The following MACROD2 variants were observed in gnomAD, a reference collection of about 807,000 sequenced individuals.
The protein encoded by MACROD2 is mono-ADP ribosylhydrolase 2, also known as ADP-ribose glycohydrolase MACROD2.
Under a neutral mutation model 70.4 loss-of-function variants are expected in MACROD2, and 36 were observed. That is an observed-to-expected ratio of 0.51 (90% CI 0.39 to 0.68). The LOEUF (loss-of-function observed/expected upper bound fraction) is 0.68, where lower values mean the gene tolerates loss of function less well. Ranked by LOEUF, MACROD2 falls within the 30% of genes least tolerant of loss-of-function variation. The probability of loss-of-function intolerance (pLI) is 0.00; values close to 1 mark genes in which losing one functional copy is unlikely to be tolerated. For synonymous variants in MACROD2, 172 were observed against 178.8 expected (o/e 0.96, Z 0.30); for missense variants, 496 against 538.4 (o/e 0.92, Z 0.78).
chr20:14,941,890 C>A (rs1293558788), intron 5 of MACROD2, among the ~76,000 whole-genome samples: 1 of 151,466 alleles, frequency 6.6e-6, no homozygotes, highest in Non-Finnish European at 1.5e-5. Context: ...TTTCAGCAAT[C>A]CTTCCATCTC....
At chr20:15,862,854 T>TCAAATTGAGGATGGAAGAAGTGGAG in intron 9 of MACROD2, 28 bp downstream of exon 9, 1 of 1,536,860 alleles carries the variant, frequency 6.5e-7, no homozygotes, top group Non-Finnish European at 9.0e-7. Context: ...TTGTTTTCTT[T>TCAAATTGAGGATGGAAGAAGTGGAG]CAAATTGAGG....
At chr20:15,392,301 T>C (rs2045803439) in intron 6 of MACROD2, among the ~76,000 whole-genome samples, 1 of 152,196 alleles carries the variant, frequency 6.6e-6, no homozygotes, top group Admixed American at 6.5e-5. Context: ...TTGACTTTTA[T>C]TATGATTGGT....
chr20:15,723,047 TCTCTTGCCC>T (rs1644687512), intron 8 of MACROD2, among the ~76,000 whole-genome samples: 1 of 152,208 alleles, frequency 6.6e-6, no homozygotes, highest in Admixed American at 6.5e-5. Flanking sequence ...TACATCAACA[TCTCTTGCCC>T]CTGAGTTTTA....
intron 6 of MACROD2, among the ~76,000 whole-genome samples, chr20:15,238,962 T>C (rs1407188007): frequency 4.6e-5 from 7 of 152,186 alleles, no homozygotes; most frequent in Non-Finnish European, 8.8e-5. Flanking sequence ...AGATTTGCAA[T>C]GCAAGCTTTC....
At chr20:14,622,785 C>T (rs1983902626) in intron 4 of MACROD2, 1 of 152,140 alleles carries the variant, frequency 6.6e-6, no homozygotes, top group Non-Finnish European at 1.5e-5. Flanking sequence ...AGTTGTTTAT[C>T]CCCTCAGTGG....
chr20:15,778,385 C>T (rs997996059), intron 8 of MACROD2, among the ~76,000 whole-genome samples: 6 of 151,974 alleles, frequency 3.9e-5, no homozygotes, highest in African/African-American at 1.2e-4. Context: ...ATTAAGTGTT[C>T]TATATTACTC....
chr20:14,693,832 C>T (rs2123616643), intron 5 of MACROD2, among the ~76,000 whole-genome samples: 1 of 151,928 alleles, frequency 6.6e-6, no homozygotes, highest in Non-Finnish European at 1.5e-5. Flanking sequence ...AGATCTCACT[C>T]TGGAGAGTCT....
At chr20:14,137,799 A>G (rs1418978193) in intron 3 of MACROD2, among the ~76,000 whole-genome samples, 2 of 152,210 alleles carry the variant, frequency 1.3e-5, no homozygotes, top group Admixed American at 6.5e-5. Context: ...CACTAAACTA[A>G]TAGGTTTCTG....
intron 2 of MACROD2, among the ~76,000 whole-genome samples, chr20:14,008,346 A>G (rs1601105625): frequency 1.3e-5 from 2 of 152,316 alleles, no homozygotes; most frequent in South Asian, 2.1e-4. Flanking sequence ...GCCGGGAGGC[A>G]AGTCACAAAT....
Position 15,395,158 on chromosome 20 carries a change from C to T in MACROD2, c.541-36247C>T, listed in dbSNP as rs577905527. The stretch of plus-strand genomic sequence containing the variant: ...CTGGAAAAGATGTTGTTAATATTCA[C>T]CAATGACCATTATCCCTGCCACAGT... On this transcript the variant is annotated intron_variant, in intron 6 of 17. Coordinates refer to ENST00000684519, the MANE Select transcript of MACROD2 (RefSeq NM_001351661.2). 1.9e-4 allele frequency among the ~76,000 whole-genome samples: 29 copies of T among 152,278 alleles called. No individual in the cohort carries two copies. The South Asian group carries it at 4.1e-3, about 22-fold the overall frequency.
chr20:14,416,932 C>T (rs1045969419), intron 3 of MACROD2, among the ~76,000 whole-genome samples: 8 of 152,176 alleles, frequency 5.3e-5, no homozygotes, highest in Non-Finnish European at 1.2e-4. Context: ...CTAAAAGAGT[C>T]TCACTTACCT....
At position 15,937,516 on chromosome 20, in the gene MACROD2, A is replaced by G. The variant is rs2065683229; in HGVS notation, c.879A>G (p.Glu293=). 1.2e-6 allele frequency: 2 copies of G among 1,613,474 alleles called. No individual in the cohort carries two copies. Among genetic ancestry groups the G allele is most frequent in the Non-Finnish European group, 1.7e-6 (2 of 1,179,536 alleles). Residue 293 remains glutamate, a synonymous_variant, in exon 12 of 18, where the codon GAA becomes GAG. Transcript: ENST00000684519. Reference sequence around the variant, plus strand: ...TCACTGTGCCCGGCCCTGCTTCAGAAGAGGCAGTTGAAGACTGTAAAGATG... The same window carrying G: ...TCACTGTGCCCGGCCCTGCTTCAGAGGAGGCAGTTGAAGACTGTAAAGATG... ...NTVTVPGPAS[E]EAVEDCKDED...
At chr20:15,873,407 G>C (rs1005866078) in intron 9 of MACROD2, among the ~76,000 whole-genome samples, 5 of 151,742 alleles carry the variant, frequency 3.3e-5, no homozygotes, top group African/African-American at 9.7e-5. Flanking sequence ...GTAATTAATG[G>C]GTAACAACAT....
intron 17 of MACROD2, among the ~76,000 whole-genome samples, chr20:16,047,206 C>T (rs1234051014): frequency 6.6e-6 from 1 of 152,054 alleles, no homozygotes; most frequent in Non-Finnish European, 1.5e-5. Flanking sequence ...ATGATCTGGT[C>T]GTTTGACAGA....
rs1455957472 is a variant in MACROD2 at position 15,683,121 on chromosome 20, C to T, written c.646-179624C>T. ...CCATGCATTGCTTGTCTTAGAAAAA[C>T]AGTACGGAACATGTTAGAATATTAC... On this transcript the variant is annotated intron_variant, in intron 8 of 17. Transcript: ENST00000684519. Among the ~76,000 whole-genome samples, 8 of 152,172 alleles carry T rather than the reference C, an allele frequency of 5.3e-5. No homozygotes were observed. The East Asian group carries it at 1.5e-3, about 29-fold the overall frequency.
intron 8 of MACROD2, among the ~76,000 whole-genome samples, chr20:15,723,309 A>G (rs2050815418): frequency 6.6e-6 from 1 of 152,160 alleles, no homozygotes; most frequent in South Asian, 2.1e-4. Flanking sequence ...CAAAATACAT[A>G]GCTTACATTA....
intron 5 of MACROD2, among the ~76,000 whole-genome samples, chr20:14,793,441 C>T (rs762993853): frequency 6.6e-6 from 1 of 151,838 alleles, no homozygotes; most frequent in Non-Finnish European, 1.5e-5. Context: ...TATCTCCCCC[C>T]ACCATGCCCC....
chr20:14,763,491 A>C (rs2072043896), intron 5 of MACROD2, among the ~76,000 whole-genome samples: 1 of 152,146 alleles, frequency 6.6e-6, no homozygotes, highest in Non-Finnish European at 1.5e-5. Context: ...TCAGGGATGC[A>C]TGTGAAGGGA....
intron 3 of MACROD2, among the ~76,000 whole-genome samples, chr20:14,243,779 C>T (rs1282931211): frequency 1.3e-5 from 2 of 152,152 alleles, no homozygotes. Flanking sequence ...TCATTTGACA[C>T]CTGACAATAT....
Sources: allele counts gnomAD v4.1 joint callset (sites outside exome capture counted in the v4.1 genomes callset), GRCh38; gene constraint gnomAD v4.1.1; transcripts MANE v1.5; gene names NCBI Gene and HGNC (gene_info 2026-07-23, HGNC 2026-07-21).